RFTN1: variants seen among roughly 807,000 people sequenced by gnomAD.
The protein encoded by RFTN1 is raftlin.
A neutral mutation model predicts 46.5 loss-of-function variants in RFTN1; 26 were observed. The observed-to-expected ratio is 0.56, with a 90% CI of 0.41 to 0.78. The LOEUF (loss-of-function observed/expected upper bound fraction) is 0.78. RFTN1 is among the 30% of genes least tolerant of loss of function. RFTN1 has a pLI of 0.00. For missense variants in RFTN1, 693 were observed against 718.7 expected (o/e 0.96, Z 0.41); for synonymous variants, 261 against 284.2 (o/e 0.92, Z 0.82).
Position 16,345,817 on chromosome 3 carries a change from T to TGTGTGTGTGTGTGTGCGC in RFTN1, c.1146+12114_1146+12115insGCGCACACACACACACAC, listed in dbSNP as rs1160939614. The stretch of plus-strand genomic sequence containing the variant: ...GTGTGTGTGTGTGTGTGTGTGTGTG[T>TGTGTGTGTGTGTGTGCGC]GCGCGCGCGCGTGCGCGCACGCGCA... On this transcript the variant is annotated intron_variant, in intron 7 of 9. Transcript: ENST00000334133. This position sits in a 1 kb window ranked among gnomAD's most constrained non-coding sequence, Gnocchi z 5.2. 5.4e-5 allele frequency among the ~76,000 whole-genome samples: 4 copies of TGTGTGTGTGTGTGTGCGC among 74,540 alleles called. No individual in the cohort carries two copies. The highest frequency in any genetic ancestry group is 2.2e-4 in the African/African-American group (4 of 18,090). 48.9% of individuals were successfully genotyped at this position (74,540 alleles called of 152,430 possible).
rs531354317 is a variant in RFTN1, at chr3:16,489,775, G to A, written c.145+3950C>T. 2.0e-5 allele frequency among the ~76,000 whole-genome samples: 3 copies of A among 152,194 alleles called. No homozygotes were observed. Among genetic ancestry groups the A allele is most frequent in the Admixed American group, 6.5e-5 (1 of 15,284 alleles). ...ATACCAAAATTAGCCGTGTGTAGTG[G>A]TGCATGCTTGGAATCCCAGATACTC... On this transcript the variant is annotated intron_variant, in intron 2 of 9. Coordinates refer to ENST00000334133, the MANE Select transcript of RFTN1 (RefSeq NM_015150.2). This position sits in a 1 kb window ranked among gnomAD's most constrained non-coding sequence, Gnocchi z 4.0.
chr3:16,501,129 T>A (rs1158568991), intron 1 of RFTN1, among the ~76,000 whole-genome samples: 1 of 152,116 alleles, frequency 6.6e-6, no homozygotes, highest in Non-Finnish European at 1.5e-5. Flanking sequence ...AGAGCAAGAC[T>A]TGTCTGTAAC....
In RFTN1 at chr3:16,513,619, G is replaced by A. The variant is rs1311451338; in HGVS notation, c.-186C>T. 3 of 152,176 alleles carry A rather than the reference G, an allele frequency of 2.0e-5. No homozygotes were observed. The highest frequency in any genetic ancestry group is 3.4e-3 in the Middle Eastern group (1 of 292). 9.4% of individuals were successfully genotyped at this position (152,176 alleles called of 1,614,324 possible). ...CGTGTGTCTGTCCCTCCGGCGATCG[G>A]TGCGTCTGTCCCTCGCCGGAGCCCG... On this transcript the variant is annotated 5_prime_UTR_variant, in exon 1 of 10. Transcript: ENST00000334133. The surrounding 1 kb of genome is among the most constrained non-coding windows in gnomAD (Gnocchi z 5.4).
In RFTN1 at chr3:16,316,876, G is replaced by A. The variant is rs552983670; in HGVS notation, c.1689C>T (p.Asp563=). ...GHSNPGEDAR[D]GDAEEVRELG... ...GCTCTCTGACTTCCTCAGCATCCCC[G>A]TCCCTGGCATCCTCTCCAGGATTGG... The change falls in exon 10 of 10, where the codon GAC becomes GAT. Residue 563 remains aspartate (D), a synonymous_variant. Transcript: ENST00000334133. The surrounding 1 kb of genome is among the most constrained non-coding windows in gnomAD (Gnocchi z 4.5). The A allele has an allele frequency of 2.4e-5, 39 of 1,613,948 alleles. No homozygotes were observed. In the East Asian group the frequency reaches 3.8e-4, roughly 16 times the overall value.
chr3:16,466,556 T>G lies in RFTN1; in HGVS notation c.145+27169A>C, dbSNP rs1037376308. Among the ~76,000 whole-genome samples, 2 of 152,158 alleles carry G rather than the reference T, an allele frequency of 1.3e-5. No homozygotes were observed. Among genetic ancestry groups the G allele is most frequent in the Non-Finnish European group, 2.9e-5 (2 of 68,038 alleles). On this transcript the variant is annotated intron_variant, in intron 2 of 9. Transcript: ENST00000334133. The surrounding 1 kb of genome is among the most constrained non-coding windows in gnomAD (Gnocchi z 5.6). ...TCAGAGAAGCAGCCATTACACCCCT[T>G]TCCTTCTGGGCCTGAACTCAGGCTC...
At chr3:16,363,068 T>A (rs2072930807) in intron 6 of RFTN1, among the ~76,000 whole-genome samples, 1 of 152,200 alleles carries the variant, frequency 6.6e-6, no homozygotes, top group East Asian at 1.9e-4. Context: ...GTATTCTGAA[T>A]CCAGAGCACT....
rs139328341 is a variant in RFTN1, at chr3:16,447,786, G to A, written c.146-13749C>T. Among the ~76,000 whole-genome samples, 7 of 152,292 alleles carry A rather than the reference G, an allele frequency of 4.6e-5. No individual in the cohort carries two copies. The East Asian group carries it at 1.4e-3, about 29-fold the overall frequency. ...GATCTATCCACCGTTGGCACAAGAA[G>A]GGAAAGATGGATTTTTAATCAGGCA... On this transcript the variant is annotated intron_variant, in intron 2 of 9. Transcript: ENST00000334133. This position sits in a 1 kb window ranked among gnomAD's most constrained non-coding sequence, Gnocchi z 5.9.
In RFTN1 at chr3:16,426,236, G is replaced by C. The variant is rs969746703; in HGVS notation, c.332+7615C>G. Among the ~76,000 whole-genome samples, 1 of 152,070 alleles carries C rather than the reference G, an allele frequency of 6.6e-6. No individual in the cohort carries two copies. The highest frequency in any genetic ancestry group is 2.4e-5 in the African/African-American group (1 of 41,378). On this transcript the variant is annotated intron_variant, in intron 3 of 9. Transcript: ENST00000334133. This position sits in a 1 kb window ranked among gnomAD's most constrained non-coding sequence, Gnocchi z 5.9. ...CGGCCTCGCGTGTGAACATTTTCTA[G>C]GGCACACCCCAGTAGGCGCTACCAC...
rs979765764 is a variant in RFTN1, at chr3:16,481,155, T to G, written c.145+12570A>C. ...ATGCAAAGGAATGTAAAGAATGCCT[T>G]CCTTCCTTTTAAATCTAATCTTATT... On this transcript the variant is annotated intron_variant, in intron 2 of 9. Transcript: ENST00000334133. The surrounding 1 kb of genome is among the most constrained non-coding windows in gnomAD (Gnocchi z 5.1). 6.6e-6 allele frequency among the ~76,000 whole-genome samples: 1 copy of G among 152,176 alleles called. No homozygotes were observed. The highest frequency in any genetic ancestry group is 2.4e-5 in the African/African-American group (1 of 41,428).
At position 16,507,751 on chromosome 3, in the gene RFTN1, ACT is replaced by A. The variant is rs57998160; in HGVS notation, c.-9+5689_-9+5690del. ...CAAACACATACACACATACATGCAC[ACT>A]CACATACACACAAACACACACATAC... On this transcript the variant is annotated intron_variant, in intron 1 of 9. Transcript: ENST00000334133. This position sits in a 1 kb window ranked among gnomAD's most constrained non-coding sequence, Gnocchi z 7.1. 4.5e-3 allele frequency among the ~76,000 whole-genome samples: 686 copies of A among 151,742 alleles called. 8 individuals are homozygous for A. Among genetic ancestry groups the A allele is most frequent in the African/African-American group, 0.016 (650 of 41,346 alleles).
rs901217899 is a variant in RFTN1, at chr3:16,376,160, G to C, written c.826+1558C>G. On this transcript the variant is annotated intron_variant, in intron 5 of 9. Transcript: ENST00000334133. This position sits in a 1 kb window ranked among gnomAD's most constrained non-coding sequence, Gnocchi z 4.7. ...GGATTCCATGAGAGGTGGAGGTCGA[G>C]TGTCAGGACTACTGAGCCTGTACCC... Among the ~76,000 whole-genome samples the C allele has an allele frequency of 6.6e-6, 1 of 152,146 alleles. No homozygotes were observed. Among genetic ancestry groups the C allele is most frequent in the Non-Finnish European group, 1.5e-5 (1 of 68,008 alleles).
chr3:16,508,033 C>T (rs980641105), intron 1 of RFTN1, among the ~76,000 whole-genome samples: 1 of 152,186 alleles, frequency 6.6e-6, no homozygotes, highest in African/African-American at 2.4e-5. Context: ...ACCTCCAATA[C>T]GGGATCTTAA....
At chr3:16,432,247 G>C (rs537610405) in intron 3 of RFTN1, among the ~76,000 whole-genome samples, 2 of 152,178 alleles carry the variant, frequency 1.3e-5, no homozygotes, top group Admixed American at 1.3e-4. Context: ...ACTGGGCGTG[G>C]TGGCTCACAC....
rs1016424103 is a variant in RFTN1, at chr3:16,335,528, A to G, written c.1147-8652T>C. On this transcript the variant is annotated intron_variant, in intron 7 of 9. Coordinates refer to ENST00000334133, the MANE Select transcript of RFTN1 (RefSeq NM_015150.2). This position sits in a 1 kb window ranked among gnomAD's most constrained non-coding sequence, Gnocchi z 4.7. ...ACGCAGGAACAGAAAATCAAACACCACATGTTCTCACTTACAAGTGGGAGA... is the reference window on the plus strand; with the variant it reads ...ACGCAGGAACAGAAAATCAAACACCGCATGTTCTCACTTACAAGTGGGAGA... Among the ~76,000 whole-genome samples, 2 of 152,236 alleles carry G rather than the reference A, an allele frequency of 1.3e-5. No individual in the cohort carries two copies. Among genetic ancestry groups the G allele is most frequent in the African/African-American group, 4.8e-5 (2 of 41,454 alleles).
intron 3 of RFTN1, among the ~76,000 whole-genome samples, chr3:16,423,869 C>A (rs530111383): frequency 4.9e-4 from 75 of 152,278 alleles, no homozygotes; most frequent in Non-Finnish European, 9.1e-4. Flanking sequence ...GCTACCTTAG[C>A]GGACCCAAAA....
rs1471105857 is a variant in RFTN1 at position 16,322,364 on chromosome 3, C to T, written c.1332+1012G>A. 6.6e-6 allele frequency among the ~76,000 whole-genome samples: 1 copy of T among 152,234 alleles called. No individual in the cohort carries two copies. The highest frequency in any genetic ancestry group is 1.5e-5 in the Non-Finnish European group (1 of 68,048). On this transcript the variant is annotated intron_variant, in intron 9 of 9. Coordinates refer to ENST00000334133, the MANE Select transcript of RFTN1 (RefSeq NM_015150.2). The surrounding 1 kb of genome is among the most constrained non-coding windows in gnomAD (Gnocchi z 6.2). ...GTTGTTGGCTGGTGAGGGGCTGCTC[C>T]AATCTGTTCATTTACTTGATGCTCC...
intron 4 of RFTN1, among the ~76,000 whole-genome samples, chr3:16,406,078 C>T (rs939522656): frequency 6.6e-6 from 1 of 152,178 alleles, no homozygotes; most frequent in African/African-American, 2.4e-5. Flanking sequence ...TGGGAAGCAC[C>T]TGTGGTCTTC....
rs1490878382 is a variant in RFTN1, at chr3:16,512,473, C to T, written c.-9+969G>A. 2.0e-5 allele frequency among the ~76,000 whole-genome samples: 3 copies of T among 151,816 alleles called. No individual in the cohort carries two copies. Among genetic ancestry groups the T allele is most frequent in the African/African-American group, 7.3e-5 (3 of 41,238 alleles). ...TGTTTTAAGCCCCCGAAGAAACTCA[C>T]TGACACCACCCAGCGTCCCTAGGGA... is the stretch of plus-strand genomic sequence containing the variant. On this transcript the variant is annotated intron_variant, in intron 1 of 9. Coordinates refer to ENST00000334133, the MANE Select transcript of RFTN1 (RefSeq NM_015150.2). This position sits in a 1 kb window ranked among gnomAD's most constrained non-coding sequence, Gnocchi z 4.3.
intron 5 of RFTN1, among the ~76,000 whole-genome samples, chr3:16,375,119 G>A (rs905016756): frequency 6.6e-6 from 1 of 152,152 alleles, no homozygotes; most frequent in Non-Finnish European, 1.5e-5. Context: ...CCTGGCAGAA[G>A]AGGAGTAAAA....
Sources: gnomAD v4.1 joint callset for allele counts (sites outside exome capture counted in the v4.1 genomes callset) on GRCh38, gnomAD v4.1.1 for gene constraint, Gnocchi (gnomAD v3.1) non-coding constraint, MANE v1.5 for transcripts, NCBI Gene and HGNC (gene_info 2026-07-23, HGNC 2026-07-21) for gene names.